Variants in ACSS2 observed in about 807,000 individuals in gnomAD.
ACSS2 encodes acyl-CoA synthetase short chain family member 2.
A neutral mutation model predicts 90.6 loss-of-function variants in ACSS2; 58 were observed. The observed-to-expected ratio is 0.64, with a 90% CI of 0.52 to 0.80. The LOEUF (loss-of-function observed/expected upper bound fraction) is 0.80, where lower values mean the gene tolerates loss of function less well. Ranked by LOEUF, ACSS2 falls within the 30% of genes least tolerant of loss-of-function variation. ACSS2 has a pLI of 0.00. For missense variants in ACSS2, 759 were observed against 912.0 expected (o/e 0.83, Z 2.16); for synonymous variants, 300 against 330.9 (o/e 0.91, Z 1.01).
rs546058417 is a variant in ACSS2, at chr20:34,925,469, A to G, written c.1658-229A>G. Among the ~76,000 whole-genome samples, 30 of 152,154 alleles carry G rather than the reference A, an allele frequency of 2.0e-4. No homozygotes were observed. In the South Asian group the frequency reaches 5.6e-3, roughly 28 times the overall value. On this transcript the variant is annotated intron_variant, in intron 14 of 17. Coordinates refer to ENST00000360596, the MANE Select transcript of ACSS2 (RefSeq NM_018677.4). ...CATCCTATCACTTCTGCCAAATCCT[A>G]TGATGACACAGACTAACCCTAGTAC...
intron 2 of ACSS2, among the ~76,000 whole-genome samples, chr20:34,885,391 A>G (rs2080167413): frequency 6.6e-6 from 1 of 152,170 alleles, no homozygotes; most frequent in Non-Finnish European, 1.5e-5. Flanking sequence ...CTTTCTTTCT[A>G]GAGACACCAG....
intron 2 of ACSS2, among the ~76,000 whole-genome samples, chr20:34,904,794 T>C (rs2080755235): frequency 6.6e-6 from 1 of 152,072 alleles, no homozygotes; most frequent in Admixed American, 6.6e-5. Context: ...ACACCAACCA[T>C]ATGGCCTCCA....
chr20:34,883,049 A>G, intron 2 of ACSS2, 60 bp downstream of exon 2: 3 of 1,340,654 alleles, frequency 2.2e-6, no homozygotes, highest in Non-Finnish European at 3.1e-6. Context: ...TACTTACAAC[A>G]ACCCAGTAGA....
intron 8 of ACSS2, among the ~76,000 whole-genome samples, chr20:34,919,781 G>A (rs1177939648): frequency 1.3e-5 from 2 of 152,126 alleles, no homozygotes. Context: ...AGACAGTTCA[G>A]GTGGAGGGTT....
At chr20:34,906,633 A>G (rs185450627) in intron 2 of ACSS2, among the ~76,000 whole-genome samples, 3 of 152,226 alleles carry the variant, frequency 2.0e-5, no homozygotes, top group African/African-American at 4.8e-5. Flanking sequence ...TGCACTCTCT[A>G]TGTACTAGGC....
At position 34,920,673 on chromosome 20, in the gene ACSS2, C is replaced by A; in HGVS notation, c.1107C>A (p.Thr369=). 6.2e-7 allele frequency: 1 copy of A among 1,613,802 alleles called. No homozygotes were observed. Among genetic ancestry groups the A allele is most frequent in the South Asian group, 1.1e-5 (1 of 91,044 alleles). ...IGWITGHSYV[T]YGPLANGATS... The stretch of plus-strand genomic sequence containing the variant: ...GGATCACTGGTCATTCCTACGTCAC[C>A]TATGGGCCACTGGCCAATGGTGCCA... The change falls in exon 9 of 18, where the codon ACC becomes ACA. Residue 369 remains threonine, a synonymous_variant. Transcript: ENST00000360596.
At chr20:34,915,007 G>A (rs1409101556) in intron 7 of ACSS2, among the ~76,000 whole-genome samples, 1 of 152,178 alleles carries the variant, frequency 6.6e-6, no homozygotes, top group Non-Finnish European at 1.5e-5. Flanking sequence ...CTTAGGGCTA[G>A]AGAGGCTGTA....
chr20:34,875,027 G>A (rs552482747), upstream of ACSS2: 3 of 533,892 alleles, frequency 5.6e-6, no homozygotes, highest in East Asian at 5.5e-5. Context: ...GGAGCTGCCC[G>A]CTTCAGGCCT....
intron 8 of ACSS2, 138 bp downstream of exon 8, chr20:34,919,710 G>C: frequency 7.7e-7 from 1 of 1,298,556 alleles, no homozygotes; most frequent in Non-Finnish European, 1.0e-6. Flanking sequence ...ATGTAGCATT[G>C]TCTTTTCTAA....
At chr20:34,926,622 T>G (rs1226411056) in intron 16 of ACSS2, among the ~76,000 whole-genome samples, 2 of 152,204 alleles carry the variant, frequency 1.3e-5, no homozygotes, top group African/African-American at 4.8e-5. Context: ...TTAAATCACT[T>G]GCCCAAGGCC....
chr20:34,886,655 T>C (rs1313239683), intron 2 of ACSS2, among the ~76,000 whole-genome samples: 6 of 152,122 alleles, frequency 3.9e-5, no homozygotes. Flanking sequence ...TAATAATTGC[T>C]TACCGTTTTT....
Position 34,914,314 on chromosome 20 carries a change from C to T in ACSS2, c.720-9C>T. 6.2e-7 allele frequency: 1 copy of T among 1,611,518 alleles called. No homozygotes were observed. The highest frequency in any genetic ancestry group is 8.5e-7 in the Non-Finnish European group (1 of 1,178,614). On this transcript the variant is annotated splice_polypyrimidine_tract_variant and intron_variant, in intron 6 of 17. Coordinates refer to ENST00000360596, the MANE Select transcript of ACSS2 (RefSeq NM_018677.4). ...CAAGGCTACCACTTTAGGCTTTTCT[C>T]TTCTCCAGGGGTTTCCCAGTAAGAT...
At chr20:34,908,877 A>G (rs1014059409) in intron 2 of ACSS2, 2 of 423,608 alleles carry the variant, frequency 4.7e-6, no homozygotes, top group East Asian at 7.2e-5. Context: ...AAAAAAAAAA[A>G]AAAAGCACAC....
At chr20:34,882,495 G>A (rs969286928) in intron 1 of ACSS2, among the ~76,000 whole-genome samples, 2 of 151,316 alleles carry the variant, frequency 1.3e-5, no homozygotes, top group African/African-American at 2.4e-5. Context: ...GGTGGCACGC[G>A]CCTGTAGTCC....
chr20:34,921,509 G>A (rs1485869499), intron 11 of ACSS2, 35 bp from the exon 12 acceptor site: 2 of 1,614,118 alleles, frequency 1.2e-6, no homozygotes, highest in Non-Finnish European at 8.5e-7. Context: ...AATGTGGGAA[G>A]ATTGACTCAA....
chr20:34,919,615 G>A (rs559700099), intron 8 of ACSS2, 43 bp downstream of exon 8: 272 of 1,248,030 alleles, frequency 2.2e-4, no homozygotes, highest in Non-Finnish European at 2.7e-4. Context: ...GTGTGTGTGT[G>A]TGTGTATTAT....
At position 34,927,349 on chromosome 20, in the gene ACSS2, G is replaced by C. The variant is rs2081343441; in HGVS notation, c.*135G>C. The C allele has an allele frequency of 3.2e-6, 4 of 1,230,982 alleles. No homozygotes were observed. Among genetic ancestry groups the C allele is most frequent in the Non-Finnish European group, 4.6e-6 (4 of 870,588 alleles). The allele number at this position is 1,230,982 out of a possible 1,614,324, so 76.3% of individuals were successfully genotyped here. A position where few individuals can be genotyped will look rare whatever the true frequency, so the allele number is the denominator to read the frequency against. On this transcript the variant is annotated 3_prime_UTR_variant, in exon 18 of 18. Transcript: ENST00000360596. This position sits in a 1 kb window ranked among gnomAD's most constrained non-coding sequence, Gnocchi z 4.2. ...ACCAGCTGTCTGGGACCGGAAACCA[G>C]CTTTGTCTCCAGGTAGAGACAACAT...
chr20:34,898,370 C>T (rs1435713272), intron 2 of ACSS2, among the ~76,000 whole-genome samples: 5 of 152,168 alleles, frequency 3.3e-5, no homozygotes, highest in African/African-American at 1.2e-4. Flanking sequence ...CACAAAGGTT[C>T]TCCACATCTC....
At chr20:34,913,239 A>T in intron 3 of ACSS2, 52 bp downstream of exon 3, 3 of 1,587,042 alleles carry the variant, frequency 1.9e-6, no homozygotes, top group Non-Finnish European at 2.6e-6. Flanking sequence ...GGGGTATCTG[A>T]GTATCTGAGA....
Sources: gnomAD v4.1 joint callset for allele counts (sites outside exome capture counted in the v4.1 genomes callset) on GRCh38, gnomAD v4.1.1 for gene constraint, Gnocchi (gnomAD v3.1) non-coding constraint, MANE v1.5 for transcripts, NCBI Gene and HGNC (gene_info 2026-07-23, HGNC 2026-07-21) for gene names.